AFAP1L2: variants seen among roughly 807,000 people sequenced by gnomAD.
The protein encoded by AFAP1L2 is actin filament associated protein 1 like 2.
In AFAP1L2, 46 loss-of-function variants were observed where a neutral mutation model predicts 99.3. The ratio of observed to expected loss-of-function variants is 0.46; its 90% CI spans 0.37 to 0.59. The LOEUF (loss-of-function observed/expected upper bound fraction) is 0.59. Ranked by LOEUF, AFAP1L2 falls within the 20% of genes least tolerant of loss-of-function variation. The probability of loss-of-function intolerance (pLI) is 0.00; values close to 1 mark genes in which losing one functional copy is unlikely to be tolerated. For missense variants in AFAP1L2, 959 were observed against 1,034.9 expected (o/e 0.93, Z 1.01); for synonymous variants, 397 against 419.1 (o/e 0.95, Z 0.64).
At chr10:114,368,719 T>C (rs539668) in intron 1 of AFAP1L2, among the ~76,000 whole-genome samples, 25,521 of 151,400 alleles carry the variant, frequency 0.17, 2,653 homozygotes, top group Non-Finnish European at 0.23. Context: ...CCAGCCAATG[T>C]ATTGTTTACT....
intron 18 of AFAP1L2, 45 bp from the exon 19 acceptor site, chr10:114,296,113 A>T: frequency 3.1e-6 from 5 of 1,613,470 alleles, no homozygotes; most frequent in Non-Finnish European, 4.2e-6. Context: ...CACCAAAAAG[A>T]TAGTTAGTTA....
At chr10:114,401,944 A>G (rs543061586) in intron 1 of AFAP1L2, among the ~76,000 whole-genome samples, 15 of 152,362 alleles carry the variant, frequency 9.8e-5, no homozygotes, top group African/African-American at 3.4e-4. Flanking sequence ...TGAGACTCTG[A>G]AGACAGCCAT....
chr10:114,394,319 T>C (rs1473098559), intron 1 of AFAP1L2, among the ~76,000 whole-genome samples: 1 of 152,118 alleles, frequency 6.6e-6, no homozygotes, highest in Non-Finnish European at 1.5e-5. Flanking sequence ...AGTAAGATAC[T>C]GAGAATAAGC....
chr10:114,282,086 C>T, the AFAP1L2 span, among the ~76,000 whole-genome samples: 314 of 138,688 alleles, frequency 2.3e-3, no homozygotes, highest in Middle Eastern at 0.013. Flanking sequence ...CTCGGCTCAC[C>T]GCAACCTCTG....
At chr10:114,291,236 G>A, downstream of AFAP1L2, 1 of 1,550,448 alleles carries the variant, frequency 6.4e-7, no homozygotes, top group South Asian at 1.2e-5. Flanking sequence ...AGACGCCCCT[G>A]AGGCACATGG....
rs369525585 is a variant in AFAP1L2, at chr10:114,389,609, A to C, written c.16+14831T>G. Among the ~76,000 whole-genome samples the C allele has an allele frequency of 2.8e-4, 42 of 152,318 alleles. No individual in the cohort carries two copies. The East Asian group carries it at 6.0e-3, about 22-fold the overall frequency. The stretch of plus-strand genomic sequence containing the variant: ...ATGACTAAGAGCTCAGGCACTCAGA[A>C]TGGCTGGAGGTGACTGAAAAAATAC... On this transcript the variant is annotated intron_variant, in intron 1 of 18. Transcript: ENST00000304129.
intron 5 of AFAP1L2, among the ~76,000 whole-genome samples, chr10:114,318,206 G>A (rs1860081): frequency 0.73 from 110,509 of 152,152 alleles, 41,874 homozygotes; most frequent in East Asian, 0.93. Flanking sequence ...TATAATAAGC[G>A]ACATTTAAAA....
intron 2 of AFAP1L2, among the ~76,000 whole-genome samples, chr10:114,339,171 C>T (rs770754091): frequency 6.6e-6 from 1 of 152,238 alleles, no homozygotes; most frequent in South Asian, 2.1e-4. Flanking sequence ...GAAAATACTT[C>T]ACTTAGGCCG....
At chr10:114,388,600 G>C (rs578252297) in intron 1 of AFAP1L2, among the ~76,000 whole-genome samples, 2 of 152,180 alleles carry the variant, frequency 1.3e-5, no homozygotes, top group Admixed American at 6.5e-5. Context: ...CAGGGGCCTC[G>C]TCAGTACTGT....
rs182301666 is a variant in AFAP1L2 at position 114,308,319 on chromosome 10, G to T, written c.967+114C>A. 1,310 of 882,356 alleles carry T rather than the reference G, an allele frequency of 1.5e-3. 2 individuals are homozygous for T. Among genetic ancestry groups the T allele is most frequent in the Middle Eastern group, 0.012 (37 of 3,066 alleles). The allele number at this position is 882,356 out of a possible 1,614,324, so 54.7% of individuals were successfully genotyped here. ...GATCTAACAGCAGTATTTCCGAGTG[G>T]TTTATTAATAGGGGGCCATGTTAGA... is the stretch of plus-strand genomic sequence containing the variant. On this transcript the variant is annotated intron_variant, in intron 9 of 18. Coordinates refer to ENST00000304129, the MANE Select transcript of AFAP1L2 (RefSeq NM_001001936.3).
At chr10:114,340,181 CA>C (rs3061678) in intron 2 of AFAP1L2, among the ~76,000 whole-genome samples, 42,256 of 143,106 alleles carry the variant, frequency 0.3, 7,973 homozygotes, top group African/African-American at 0.55. Context: ...AAAAAAAATA[CA>C]AAAAAAAAAA....
chr10:114,291,147 C>G, downstream of AFAP1L2: 1 of 1,541,442 alleles, frequency 6.5e-7, no homozygotes, highest in African/African-American at 1.4e-5. Flanking sequence ...TGAAGGGGTC[C>G]TCAGAGGCTG....
intron 1 of AFAP1L2, among the ~76,000 whole-genome samples, chr10:114,372,928 T>C (rs969727714): frequency 1.3e-5 from 2 of 152,246 alleles, no homozygotes; most frequent in Non-Finnish European, 2.9e-5. Context: ...CTAATGTGCC[T>C]TGGAGGCAAC....
chr10:114,296,451 G>A (rs2040246177), intron 18 of AFAP1L2: 2 of 233,598 alleles, frequency 8.6e-6, no homozygotes, highest in African/African-American at 2.3e-5. Flanking sequence ...GTGTACAAAT[G>A]AGTAAATGAG....
chr10:114,383,644 G>T (rs1040914051), intron 1 of AFAP1L2, among the ~76,000 whole-genome samples: 3 of 152,186 alleles, frequency 2.0e-5, no homozygotes, highest in African/African-American at 7.2e-5. Context: ...GAAATGTGTA[G>T]CTGTTGTGTA....
chr10:114,302,350 T>A lies in AFAP1L2; in HGVS notation c.1419A>T (p.Lys473Asn). Residue 473 changes from lysine (K) to asparagine (N), a missense_variant, in exon 12 of 19, where the codon AAA becomes AAT. This residue lies in a region of AFAP1L2 where 576 missense variants were observed against 562.1 expected (regional missense o/e 1.02). Transcript: ENST00000304129. ...DRVSCIVSAA[K>N]NSLLLMQRKF... ...TCCAAATTACTCACAAGAGAGAGTT[T>A]TTGGCCGCACTCACAATACAGGAGA... 1 of 1,614,074 alleles carries A rather than the reference T, an allele frequency of 6.2e-7. No individual in the cohort carries two copies. Among genetic ancestry groups the A allele is most frequent in the South Asian group, 1.1e-5 (1 of 91,086 alleles).
rs2052457279 is a variant in AFAP1L2 at position 114,361,758 on chromosome 10, G to A, written c.17-21027C>T. 2.0e-5 allele frequency among the ~76,000 whole-genome samples: 3 copies of A among 152,176 alleles called. No individual in the cohort carries two copies. In the South Asian group the frequency reaches 6.2e-4, roughly 32 times the overall value. On this transcript the variant is annotated intron_variant, in intron 1 of 18. Transcript: ENST00000304129. ...CAAATATGTATGGAGCACCTAACAT[G>A]TGTTAGACCCTTAGATTTTGTCACT...
chr10:114,401,547 A>G (rs904444312), intron 1 of AFAP1L2, among the ~76,000 whole-genome samples: 2 of 152,230 alleles, frequency 1.3e-5, no homozygotes. Context: ...ATTCACATAC[A>G]AGACATAGCC....
chr10:114,296,616 T>C (rs2040272377), intron 18 of AFAP1L2: 1 of 245,630 alleles, frequency 4.1e-6, no homozygotes, highest in Non-Finnish European at 8.0e-6. Flanking sequence ...TCTTTAGTTT[T>C]AATGGTAGAA....
Sources: allele counts gnomAD v4.1 joint callset (sites outside exome capture counted in the v4.1 genomes callset), GRCh38; gene constraint gnomAD v4.1.1; regional missense constraint gnomAD v4.1.1; transcripts MANE v1.5; gene names NCBI Gene and HGNC (gene_info 2026-07-23, HGNC 2026-07-21).